UST: variants seen among roughly 807,000 people sequenced by gnomAD.
UST encodes uronyl 2-sulfotransferase.
A neutral mutation model predicts 45.6 loss-of-function variants in UST; 21 were observed. The observed-to-expected ratio is 0.46, with a 90% CI of 0.33 to 0.66. UST has a LOEUF of 0.66. UST is among the 30% of genes least tolerant of loss of function. UST has a pLI of 0.02. For synonymous variants in UST, 215 were observed against 200.6 expected (o/e 1.07, Z -0.61); for missense variants, 463 against 512.4 (o/e 0.90, Z 0.93).
At chr6:148,911,669 T>A (rs776081182) in intron 2 of UST, among the ~76,000 whole-genome samples, 74 of 151,868 alleles carry the variant, frequency 4.9e-4, no homozygotes, top group Admixed American at 9.2e-4. Flanking sequence ...AAATGAAAAT[T>A]TAGAAGCTAA....
rs1420741335 is a variant in UST at position 148,795,436 on chromosome 6, TA to T, written c.247+47760del. 5.9e-5 allele frequency among the ~76,000 whole-genome samples: 9 copies of T among 152,338 alleles called. No homozygotes were observed. The East Asian group carries it at 1.7e-3, about 29-fold the overall frequency. ...TGGCAGATGTGCTTCTGATTTGTGA[TA>T]CAAAGTATCTCCTTGTTTGATTTCT... is the stretch of plus-strand genomic sequence containing the variant. On this transcript the variant is annotated intron_variant, in intron 1 of 7. Coordinates refer to ENST00000367463, the MANE Select transcript of UST (RefSeq NM_005715.3).
intron 1 of UST, among the ~76,000 whole-genome samples, chr6:148,860,480 C>A (rs558929056): frequency 6.6e-6 from 1 of 152,188 alleles, no homozygotes; most frequent in Non-Finnish European, 1.5e-5. Flanking sequence ...AATTGAATAC[C>A]CTTTATTTCT....
Position 148,888,278 on chromosome 6 carries a change from G to A in UST, c.291+1249G>A, listed in dbSNP as rs142284630. Among the ~76,000 whole-genome samples the A allele has an allele frequency of 6.6e-3, 1,005 of 152,244 alleles. 8 individuals carry two copies. The highest frequency in any genetic ancestry group is 9.2e-3 in the Non-Finnish European group (627 of 68,008). ...CTGTCGCCATGACAGCACCAAGGGG[G>A]ATAGTGCTAAACCCTGAAAATCCAC... On this transcript the variant is annotated intron_variant, in intron 2 of 7. Transcript: ENST00000367463.
At chr6:148,946,956 A>G (rs985982375) in intron 3 of UST, among the ~76,000 whole-genome samples, 2 of 151,256 alleles carry the variant, frequency 1.3e-5, no homozygotes, top group Non-Finnish European at 2.9e-5. Flanking sequence ...ACAGCCCACT[A>G]GATATTAGTG....
At chr6:148,908,718 T>C (rs936289733) in intron 2 of UST, among the ~76,000 whole-genome samples, 4 of 152,212 alleles carry the variant, frequency 2.6e-5, no homozygotes, top group African/African-American at 9.6e-5. Context: ...ACAACATATT[T>C]TCAGCTACCT....
intron 2 of UST, among the ~76,000 whole-genome samples, chr6:148,922,774 T>C (rs6921063): frequency 0.062 from 9,279 of 150,202 alleles, 843 homozygotes; most frequent in African/African-American, 0.2. Context: ...TACCTGGCCT[T>C]CTTTTATTAT....
chr6:149,049,399 A>C (rs1776446460), intron 7 of UST, among the ~76,000 whole-genome samples: 1 of 152,236 alleles, frequency 6.6e-6, no homozygotes, highest in Non-Finnish European at 1.5e-5. Context: ...TACCAGTTTT[A>C]CTAGAAAAAC....
At chr6:148,877,568 C>CAGGGGTCGTGTATGAGTGCG (rs1562285782) in intron 1 of UST, among the ~76,000 whole-genome samples, 1 of 76,922 alleles carries the variant, frequency 1.3e-5, no homozygotes, top group Admixed American at 1.5e-4. Flanking sequence ...TGTATGAGTG[C>CAGGGGTCGTGTATGAGTGCG]AGGGGTCGTG....
At chr6:148,981,591 C>T (rs1017236488) in intron 5 of UST, among the ~76,000 whole-genome samples, 3 of 152,138 alleles carry the variant, frequency 2.0e-5, no homozygotes, top group Admixed American at 1.3e-4. Flanking sequence ...GTCTTTTTCA[C>T]CTGTACTTCT....
intron 7 of UST, among the ~76,000 whole-genome samples, chr6:149,070,997 G>A (rs2486410): frequency 0.92 from 140,460 of 152,252 alleles, 65,191 homozygotes; most frequent in African/African-American, 0.98. Flanking sequence ...CGATCTCTTG[G>A]CCTCGTGATC....
intron 7 of UST, among the ~76,000 whole-genome samples, chr6:149,025,532 C>T (rs1776037939): frequency 6.6e-6 from 1 of 152,186 alleles, no homozygotes; most frequent in Non-Finnish European, 1.5e-5. Context: ...AAACACTGCT[C>T]AATCCTGACC....
At chr6:148,783,288 A>G (rs1776678373) in intron 1 of UST, among the ~76,000 whole-genome samples, 2 of 152,364 alleles carry the variant, frequency 1.3e-5, no homozygotes, top group South Asian at 4.1e-4. Context: ...GCCTTGGATA[A>G]CTAAAAAACT....
At chr6:148,962,833 A>G (rs150945100) in intron 4 of UST, among the ~76,000 whole-genome samples, 30 of 152,344 alleles carry the variant, frequency 2.0e-4, no homozygotes, top group Middle Eastern at 3.4e-3. Context: ...TTAAAAATGC[A>G]GATAAACCAG....
intron 2 of UST, among the ~76,000 whole-genome samples, chr6:148,929,964 G>C (rs762634425): frequency 1.3e-5 from 2 of 152,168 alleles, no homozygotes; most frequent in Non-Finnish European, 2.9e-5. Flanking sequence ...AATCAAACAT[G>C]GGAGGGAGGC....
At chr6:148,911,103 C>A (rs1381069951) in intron 2 of UST, among the ~76,000 whole-genome samples, 1 of 152,178 alleles carries the variant, frequency 6.6e-6, no homozygotes, top group African/African-American at 2.4e-5. Context: ...CCTGCATCCC[C>A]CCTTGCCCTG....
chr6:148,941,514 C>T (rs1780125760), intron 3 of UST, 80 bp downstream of exon 3: 1 of 1,431,584 alleles, frequency 7.0e-7, no homozygotes, highest in Non-Finnish European at 9.4e-7. Flanking sequence ...ACAGGTCATC[C>T]TTCAGACTCC....
At chr6:148,946,635 C>T (rs1158389679) in intron 3 of UST, among the ~76,000 whole-genome samples, 1 of 149,576 alleles carries the variant, frequency 6.7e-6, no homozygotes, top group African/African-American at 2.5e-5. Flanking sequence ...CATGGTGAAA[C>T]CCTGTCTCTA....
At chr6:149,021,791 A>C (rs1582963215) in intron 7 of UST, among the ~76,000 whole-genome samples, 1 of 152,232 alleles carries the variant, frequency 6.6e-6, no homozygotes, top group East Asian at 1.9e-4. Flanking sequence ...TGAAACTGGC[A>C]ACATTTTCCA....
Position 149,075,149 on chromosome 6 carries a change from A to G in UST, c.*1033A>G, listed in dbSNP as rs1339031107. On this transcript the variant is annotated 3_prime_UTR_variant, in exon 8 of 8. Transcript: ENST00000367463. The stretch of plus-strand genomic sequence containing the variant: ...ACACTGCTTTAATGGAAGTTCTAGG[A>G]ACCAATTTAGCTCAGGCATTTGACT... The G allele has an allele frequency of 7.2e-5, 11 of 152,190 alleles. No homozygotes were observed. The allele number at this position is 152,190 out of a possible 1,614,324, so 9.4% of individuals were successfully genotyped here.
Sources: allele counts gnomAD v4.1 joint callset (sites outside exome capture counted in the v4.1 genomes callset), GRCh38; gene constraint gnomAD v4.1.1; transcripts MANE v1.5; gene names NCBI Gene and HGNC (gene_info 2026-07-23, HGNC 2026-07-21).